The following PKHD1 variants were observed in gnomAD, a reference collection of about 807,000 sequenced individuals.
The protein encoded by PKHD1 is fibrocystin.
Under a neutral mutation model 412.0 loss-of-function variants are expected in PKHD1, and 291 were observed. The observed-to-expected ratio is 0.71, with a 90% CI of 0.64 to 0.78. The LOEUF (loss-of-function observed/expected upper bound fraction) is 0.78. PKHD1 is among the 30% of genes least tolerant of loss of function. PKHD1 has a pLI of 0.00. For missense variants in PKHD1, 4,825 were observed against 4,950.7 expected, an observed-to-expected ratio of 0.97 and a Z score of 0.76; for synonymous variants, 1,777 against 1,821.5, an observed-to-expected ratio of 0.98 and a Z score of 0.62.
At chr6:52,043,518 T>A in intron 26 of PKHD1, 107 bp downstream of exon 26, 1 of 797,406 alleles carries the variant, frequency 1.3e-6, no homozygotes, top group Non-Finnish European at 2.2e-6. Flanking sequence ...CTCTGCCTAA[T>A]GAACTAATTT....
chr6:51,994,138 C>T (rs1472770424), intron 35 of PKHD1, among the ~76,000 whole-genome samples: 12 of 143,928 alleles, frequency 8.3e-5, no homozygotes, highest in Admixed American at 8.3e-4. Flanking sequence ...TTTTTTCTTT[C>T]TTTTTTTTTT....
intron 37 of PKHD1, among the ~76,000 whole-genome samples, chr6:51,930,533 G>A (rs769664010): frequency 6.6e-6 from 1 of 152,170 alleles, no homozygotes; most frequent in African/African-American, 2.4e-5. Context: ...TTAATCCAAG[G>A]TAAAAATCAG....
At chr6:51,700,091 T>C (rs1326550927) in intron 60 of PKHD1, among the ~76,000 whole-genome samples, 1 of 151,964 alleles carries the variant, frequency 6.6e-6, no homozygotes, top group Admixed American at 6.6e-5. Context: ...GAAGCATAAA[T>C]AAAAAACATT....
chr6:52,045,441 C>A (rs192961549), intron 24 of PKHD1, among the ~76,000 whole-genome samples: 1 of 152,194 alleles, frequency 6.6e-6, no homozygotes, highest in South Asian at 2.1e-4. Flanking sequence ...GAGATAAGAG[C>A]AAGGTCTCCC....
At chr6:51,971,920 C>G (rs1382081619) in intron 35 of PKHD1, among the ~76,000 whole-genome samples, 2 of 151,948 alleles carry the variant, frequency 1.3e-5, no homozygotes, top group African/African-American at 4.8e-5. Flanking sequence ...TCTGTAGAGA[C>G]AAGGTTTTGC....
intron 36 of PKHD1, among the ~76,000 whole-genome samples, chr6:51,956,250 G>A (rs1266920): frequency 0.84 from 126,963 of 151,922 alleles, 53,263 homozygotes; most frequent in East Asian, 0.95. Context: ...CATATTTTGC[G>A]TGTGTAAATA....
At chr6:51,767,184 C>G (rs985485406) in intron 55 of PKHD1, among the ~76,000 whole-genome samples, 2 of 151,672 alleles carry the variant, frequency 1.3e-5, no homozygotes, top group Non-Finnish European at 2.9e-5. Flanking sequence ...AGTTTTGGTG[C>G]CAACAACAGA....
intron 37 of PKHD1, among the ~76,000 whole-genome samples, chr6:51,933,638 G>C (rs769202296): frequency 6.6e-6 from 1 of 152,200 alleles, no homozygotes; most frequent in Non-Finnish European, 1.5e-5. Flanking sequence ...TGTCGTCTTC[G>C]TTCAGGTTCT....
intron 55 of PKHD1, among the ~76,000 whole-genome samples, chr6:51,771,144 TATATTA>T (rs1188949411): frequency 1.3e-5 from 2 of 152,080 alleles, no homozygotes; most frequent in Non-Finnish European, 2.9e-5. Context: ...TAAATGTATG[TATATTA>T]ATATTTACTA....
At chr6:51,798,357 T>G (rs4715239) in intron 52 of PKHD1, among the ~76,000 whole-genome samples, 89,748 of 151,846 alleles carry the variant, frequency 0.59, 27,189 homozygotes, top group East Asian at 0.83. Flanking sequence ...CAGCCTGGGG[T>G]ACAGAGGAAG....
intron 60 of PKHD1, among the ~76,000 whole-genome samples, chr6:51,692,630 T>C (rs962112711): frequency 1.3e-5 from 2 of 152,198 alleles, no homozygotes; most frequent in African/African-American, 4.8e-5. Flanking sequence ...TCCATTTTTT[T>C]CCCATTTCTT....
intron 33 of PKHD1, 33 bp downstream of exon 33, chr6:52,022,768 T>C: frequency 1.2e-6 from 2 of 1,604,770 alleles, no homozygotes; most frequent in Non-Finnish European, 1.7e-6. Flanking sequence ...ATATATATGC[T>C]TTAAAATATA....
Position 51,619,046 on chromosome 6 carries a change from C to G in PKHD1, c.*35G>C. 1.3e-6 allele frequency: 2 copies of G among 1,578,898 alleles called. No individual in the cohort carries two copies. Among genetic ancestry groups the G allele is most frequent in the East Asian group, 4.5e-5 (2 of 44,688 alleles). On this transcript the variant is annotated 3_prime_UTR_variant, in exon 67 of 67. Transcript: ENST00000371117. ...ATTATCCAGAAATACTGGGAACATT[C>G]TGCCTTTCAGGCCAAATGCCCCCAA...
chr6:51,981,346 C>G (rs1795186086), intron 35 of PKHD1, among the ~76,000 whole-genome samples: 2 of 99,320 alleles, frequency 2.0e-5, no homozygotes, highest in African/African-American at 3.5e-5. Flanking sequence ...TCTCCCTCTC[C>G]CTCTCCCTCT....
Position 51,795,437 on chromosome 6 carries a change from T to G in PKHD1, c.8303-4064A>C, listed in dbSNP as rs555999617. On this transcript the variant is annotated intron_variant, in intron 52 of 66. Coordinates refer to ENST00000371117, the MANE Select transcript of PKHD1 (RefSeq NM_138694.4). ...TTAAGAAGCTTTTGGGCTGAAACAA[T>G]AGGGTTTTCAAGCTATAGGATCATT... Among the ~76,000 whole-genome samples, 12 of 152,276 alleles carry G rather than the reference T, an allele frequency of 7.9e-5. No homozygotes were observed. In the South Asian group the frequency reaches 2.5e-3, roughly 32 times the overall value.
chr6:51,636,041 T>C (rs1001081290), intron 64 of PKHD1, among the ~76,000 whole-genome samples: 2 of 152,132 alleles, frequency 1.3e-5, no homozygotes, highest in African/African-American at 4.8e-5. Context: ...AAGTCAGTAC[T>C]ACAAACTTAC....
At position 51,787,219 on chromosome 6, in the gene PKHD1, C is replaced by T. The variant is rs191250871; in HGVS notation, c.8440+4017G>A. ...AATAAAACTACAAAAATTAGCCAGGCATGGTGGCGAGCAGCTATAATCCCA... is the reference window on the plus strand; with the variant it reads ...AATAAAACTACAAAAATTAGCCAGGTATGGTGGCGAGCAGCTATAATCCCA... On this transcript the variant is annotated intron_variant, in intron 53 of 66. Transcript: ENST00000371117. Among the ~76,000 whole-genome samples the T allele has an allele frequency of 1.5e-4, 23 of 152,212 alleles. No homozygotes were observed. In the East Asian group the frequency reaches 3.9e-3, roughly 26 times the overall value.
chr6:51,784,886 T>G (rs1792620500), intron 53 of PKHD1, among the ~76,000 whole-genome samples: 1 of 152,218 alleles, frequency 6.6e-6, no homozygotes, highest in South Asian at 2.1e-4. Context: ...CACATTGACT[T>G]GTTAGAAAGG....
At chr6:51,804,371 G>A in intron 52 of PKHD1, among the ~76,000 whole-genome samples, 1 of 75,588 alleles carries the variant, frequency 1.3e-5, no homozygotes, top group Middle Eastern at 5.3e-3. Flanking sequence ...GGGGGGGGGG[G>A]GGCGGTAACA....
Sources: gnomAD v4.1 joint callset for allele counts (sites outside exome capture counted in the v4.1 genomes callset) on GRCh38, gnomAD v4.1.1 for gene constraint, MANE v1.5 for transcripts, NCBI Gene and HGNC (gene_info 2026-07-23, HGNC 2026-07-21) for gene names.